RNFT2: variants seen among roughly 807,000 people sequenced by gnomAD.
RNFT2 encodes the protein E3 ubiquitin-protein ligase RNFT2.
RNFT2 carries 36 observed loss-of-function variants against 53.0 expected under a neutral mutation model. The observed-to-expected ratio is 0.68, with a 90% CI of 0.52 to 0.90. RNFT2 has a LOEUF of 0.90. RNFT2 is among the 40% of genes least tolerant of loss of function. The pLI is 0.00. For synonymous variants in RNFT2, 260 were observed against 253.2 expected, an observed-to-expected ratio of 1.03 and a Z score of -0.26; for missense variants, 514 against 585.6, an observed-to-expected ratio of 0.88 and a Z score of 1.26.
At chr12:116,815,462 T>G (rs1015474783) in intron 7 of RNFT2, among the ~76,000 whole-genome samples, 3 of 152,184 alleles carry the variant, frequency 2.0e-5, no homozygotes, top group Admixed American at 6.5e-5. Flanking sequence ...TCCATTTTCT[T>G]GTCTTTTCTA....
rs1055417725 is a variant in RNFT2 at position 116,843,157 on chromosome 12, C to T, written c.1201-6157C>T. ...GTGAGGGTGAGGTGACTGGTTTAACCCCAATTCTGTGCTTCGGGAGGCACG... is the reference window on the plus strand; with the variant it reads ...GTGAGGGTGAGGTGACTGGTTTAACTCCAATTCTGTGCTTCGGGAGGCACG... On this transcript the variant is annotated intron_variant, in intron 10 of 10. Transcript: ENST00000257575. Among the ~76,000 whole-genome samples, 3 of 152,192 alleles carry T rather than the reference C, an allele frequency of 2.0e-5. No homozygotes were observed. The East Asian group carries it at 5.8e-4, about 30-fold the overall frequency.
rs1181368765 is a variant in RNFT2, at chr12:116,852,801, C to T, written c.*3353C>T. 1 of 1,296,106 alleles carries T rather than the reference C, an allele frequency of 7.7e-7. No individual in the cohort carries two copies. The highest frequency in any genetic ancestry group is 1.5e-5 in the African/African-American group (1 of 68,736). 80.3% of individuals were successfully genotyped at this position (1,296,106 alleles called of 1,614,324 possible). ...GGGAAGTCACTCAGCCTCCCTGTAG[C>T]CATCTCCAGGGTGACGGAACCCAGT... On this transcript the variant is annotated 3_prime_UTR_variant, in exon 11 of 11. Transcript: ENST00000257575.
intron 10 of RNFT2, among the ~76,000 whole-genome samples, chr12:116,838,541 A>C (rs1217786005): frequency 6.6e-6 from 1 of 152,202 alleles, no homozygotes; most frequent in African/African-American, 2.4e-5. Context: ...TTCTTCCCTC[A>C]CCAACACACA....
intron 7 of RNFT2, among the ~76,000 whole-genome samples, chr12:116,825,700 C>G (rs1876290627): frequency 6.6e-6 from 1 of 152,134 alleles, no homozygotes; most frequent in South Asian, 2.1e-4. Context: ...CTTTTCTTTC[C>G]CCCAGAGACC....
chr12:116,836,047 C>T, intron 9 of RNFT2, 22 bp downstream of exon 9: 1 of 1,613,644 alleles, frequency 6.2e-7, no homozygotes, highest in Non-Finnish European at 8.5e-7. Flanking sequence ...TCAGGTGGTC[C>T]CCACCAGGGT....
rs1287119912 is a variant in RNFT2, at chr12:116,848,949, G to C, written c.1201-365G>C. ...TTCTCTTGCCTCAGCCTCCCGAGTAGCTGGGACTACAGGCGCCCACCACCA... is the reference window on the plus strand; with the variant it reads ...TTCTCTTGCCTCAGCCTCCCGAGTACCTGGGACTACAGGCGCCCACCACCA... On this transcript the variant is annotated intron_variant, in intron 10 of 10. Coordinates refer to ENST00000257575, the MANE Select transcript of RNFT2 (RefSeq NM_001382266.1). Among the ~76,000 whole-genome samples, 4 of 152,196 alleles carry C rather than the reference G, an allele frequency of 2.6e-5. No homozygotes were observed. The South Asian group carries it at 8.3e-4, about 32-fold the overall frequency.
Position 116,835,567 on chromosome 12 carries a change from T to C in RNFT2, c.1033-393T>C, listed in dbSNP as rs114759046. ...AAGGCAATCCATGTAGTATCAGCCA[T>C]TGGGGCATACTGATTACTTGCTGGT... is the stretch of plus-strand genomic sequence containing the variant. On this transcript the variant is annotated intron_variant, in intron 8 of 10. Transcript: ENST00000257575. 6.1e-3 allele frequency among the ~76,000 whole-genome samples: 935 copies of C among 152,250 alleles called. 17 individuals carry two copies. Among genetic ancestry groups the C allele is most frequent in the African/African-American group, 0.021 (888 of 41,546 alleles).
chr12:116,781,282 T>C (rs1428070887), intron 7 of RNFT2, among the ~76,000 whole-genome samples: 1 of 152,162 alleles, frequency 6.6e-6, no homozygotes, highest in Non-Finnish European at 1.5e-5. Flanking sequence ...CCCAGGGGGC[T>C]GACCTGCGCG....
chr12:116,744,325 T>C (rs1014483705), intron 3 of RNFT2, among the ~76,000 whole-genome samples: 1 of 152,162 alleles, frequency 6.6e-6, no homozygotes, highest in Non-Finnish European at 1.5e-5. Context: ...TTGGAACCTT[T>C]TCCGCCTCTA....
At chr12:116,780,389 T>G (rs1325141889) in intron 7 of RNFT2, among the ~76,000 whole-genome samples, 3 of 152,108 alleles carry the variant, frequency 2.0e-5, no homozygotes, top group African/African-American at 7.2e-5. Flanking sequence ...AGATCATCCC[T>G]CACATGTGCA....
intron 7 of RNFT2, among the ~76,000 whole-genome samples, chr12:116,784,875 C>G (rs1873862396): frequency 6.6e-6 from 1 of 152,140 alleles, no homozygotes; most frequent in Non-Finnish European, 1.5e-5. Context: ...CATTCTTTTC[C>G]CTGCCAGCGG....
chr12:116,812,049 C>T (rs1565867507), intron 7 of RNFT2, among the ~76,000 whole-genome samples: 1 of 152,044 alleles, frequency 6.6e-6, no homozygotes, highest in African/African-American at 2.4e-5. Flanking sequence ...CCAGGAGGAG[C>T]CCGGTGAGGA....
At chr12:116,826,284 C>T (rs1004195198) in intron 7 of RNFT2, among the ~76,000 whole-genome samples, 26 of 152,076 alleles carry the variant, frequency 1.7e-4, no homozygotes, top group Non-Finnish European at 2.9e-5. Flanking sequence ...TAGAATCCGC[C>T]TTCCCAACTT....
At chr12:116,823,327 G>A (rs1231477871) in intron 7 of RNFT2, among the ~76,000 whole-genome samples, 3 of 152,162 alleles carry the variant, frequency 2.0e-5, no homozygotes, top group South Asian at 2.1e-4. Context: ...CAGAGGATGC[G>A]CACCTAGCTA....
chr12:116,762,632 T>C (rs1365678349), intron 5 of RNFT2, among the ~76,000 whole-genome samples: 1 of 149,340 alleles, frequency 6.7e-6, no homozygotes, highest in African/African-American at 2.5e-5. Flanking sequence ...CAGGCTGGAG[T>C]GCAGTGGTGC....
At chr12:116,779,935 G>A (rs574690560) in intron 7 of RNFT2, among the ~76,000 whole-genome samples, 2 of 151,676 alleles carry the variant, frequency 1.3e-5, no homozygotes, top group Admixed American at 6.6e-5. Context: ...CTCAGACAAG[G>A]TATCACCTGT....
chr12:116,799,663 C>T (rs567115231), intron 7 of RNFT2, among the ~76,000 whole-genome samples: 54 of 152,256 alleles, frequency 3.5e-4, no homozygotes, highest in Middle Eastern at 6.8e-3. Context: ...CAGCTGGGCA[C>T]GATGGCTCAT....
At chr12:116,829,782 T>C (rs909719662) in intron 7 of RNFT2, among the ~76,000 whole-genome samples, 2 of 152,176 alleles carry the variant, frequency 1.3e-5, no homozygotes, top group African/African-American at 4.8e-5. Context: ...GGTTTCACCA[T>C]GTTGGCCAGG....
intron 7 of RNFT2, among the ~76,000 whole-genome samples, chr12:116,828,020 C>G (rs540022580): frequency 6.6e-6 from 1 of 152,312 alleles, no homozygotes; most frequent in South Asian, 2.1e-4. Context: ...CAGATGCCAG[C>G]AGGCAGGGGC....
Sources: allele counts gnomAD v4.1 joint callset (sites outside exome capture counted in the v4.1 genomes callset), GRCh38; gene constraint gnomAD v4.1.1; transcripts MANE v1.5; gene names NCBI Gene and HGNC (gene_info 2026-07-23, HGNC 2026-07-21).